Variants in MAML2 observed in about 807,000 individuals in gnomAD.
The protein encoded by MAML2 is mastermind-like protein 2.
A neutral mutation model predicts 96.1 loss-of-function variants in MAML2; 22 were observed. That is an observed-to-expected ratio of 0.23 (90% CI 0.16 to 0.33). The LOEUF (loss-of-function observed/expected upper bound fraction) is 0.33, where lower values mean the gene tolerates loss of function less well. Among genes scored for constraint, MAML2 ranks in the 10% least tolerant of loss-of-function variants. The pLI, the probability that MAML2 is intolerant of heterozygous loss-of-function variation, is 1.00. For synonymous variants in MAML2, 561 were observed against 521.3 expected (o/e 1.08, Z -1.04); for missense variants, 1,367 against 1,392.4 (o/e 0.98, Z 0.29).
chr11:96,048,760 C>T (rs1463888203), intron 2 of MAML2, among the ~76,000 whole-genome samples: 1 of 152,038 alleles, frequency 6.6e-6, no homozygotes, highest in Non-Finnish European at 1.5e-5. Context: ...TTTCCAAATG[C>T]CAACATGTCG....
chr11:96,087,152 T>C (rs1473459622), intron 2 of MAML2, among the ~76,000 whole-genome samples: 2 of 152,180 alleles, frequency 1.3e-5, no homozygotes, highest in African/African-American at 2.4e-5. Flanking sequence ...GAGTTATTCG[T>C]ATATGGCACA....
chr11:96,144,831 C>G (rs75684426), intron 1 of MAML2, among the ~76,000 whole-genome samples: 2 of 152,124 alleles, frequency 1.3e-5, no homozygotes, highest in Non-Finnish European at 2.9e-5. Flanking sequence ...TTGTTTCACT[C>G]TTATACAAAT....
At chr11:96,156,746 T>A (rs1411293994) in intron 1 of MAML2, among the ~76,000 whole-genome samples, 1 of 152,152 alleles carries the variant, frequency 6.6e-6, no homozygotes, top group Non-Finnish European at 1.5e-5. Context: ...GTACTAAGAT[T>A]AAATAACAAC....
At chr11:96,175,631 C>T (rs977071383) in intron 1 of MAML2, among the ~76,000 whole-genome samples, 2 of 152,114 alleles carry the variant, frequency 1.3e-5, no homozygotes, top group Non-Finnish European at 2.9e-5. Flanking sequence ...CCTGTCATCA[C>T]TCAGGATGGA....
chr11:96,224,552 T>C (rs1381143025), intron 1 of MAML2, among the ~76,000 whole-genome samples: 1 of 152,196 alleles, frequency 6.6e-6, no homozygotes, highest in Non-Finnish European at 1.5e-5. Context: ...TTAACTTTCT[T>C]CTCCTTGTGC....
At chr11:96,165,686 C>G (rs536022959) in intron 1 of MAML2, among the ~76,000 whole-genome samples, 23 of 152,206 alleles carry the variant, frequency 1.5e-4, no homozygotes, top group South Asian at 6.2e-4. Context: ...TGATACATAT[C>G]GACAAATTGT....
intron 1 of MAML2, among the ~76,000 whole-genome samples, chr11:96,204,651 TTTTG>T (rs1328110822): frequency 6.6e-5 from 10 of 152,142 alleles, no homozygotes; most frequent in Non-Finnish European, 1.5e-4. Context: ...CTCCAAGAGT[TTTTG>T]TTTTTGTTTT....
intron 1 of MAML2, among the ~76,000 whole-genome samples, chr11:96,336,739 A>G (rs1863925248): frequency 6.6e-6 from 1 of 152,212 alleles, no homozygotes; most frequent in Non-Finnish European, 1.5e-5. Context: ...ACAACAAAAA[A>G]ACAAAAACAG....
Position 96,342,359 on chromosome 11 carries a change from T to C in MAML2, c.-464A>G. The C allele has an allele frequency of 2.5e-6, 1 of 399,790 alleles. No homozygotes were observed. The highest frequency in any genetic ancestry group is 6.3e-4 in the Middle Eastern group (1 of 1,588). 24.8% of individuals were successfully genotyped at this position (399,790 alleles called of 1,614,324 possible). A position where few individuals can be genotyped will look rare whatever the true frequency, so the allele number is the denominator to read the frequency against. ...GAGGACTCCCCCTCACCTAGTTGTTTCCGACAATTCTTTATGGGGATGTTT... is the reference window on the plus strand; with the variant it reads ...GAGGACTCCCCCTCACCTAGTTGTTCCCGACAATTCTTTATGGGGATGTTT... On this transcript the variant is annotated 5_prime_UTR_variant, in exon 1 of 5. Transcript: ENST00000524717.
At chr11:96,215,694 T>C (rs754506981) in intron 1 of MAML2, among the ~76,000 whole-genome samples, 3 of 151,852 alleles carry the variant, frequency 2.0e-5, no homozygotes, top group African/African-American at 4.8e-5. Context: ...GTTCCTGCAC[T>C]TCCTCCTCCA....
At chr11:96,160,241 T>C (rs1004284188) in intron 1 of MAML2, among the ~76,000 whole-genome samples, 1 of 152,208 alleles carries the variant, frequency 6.6e-6, no homozygotes, top group African/African-American at 2.4e-5. Flanking sequence ...TGATCCTTTA[T>C]TCTTCAATGC....
At chr11:96,044,215 G>C (rs71475375) in intron 2 of MAML2, among the ~76,000 whole-genome samples, 1 of 152,226 alleles carries the variant, frequency 6.6e-6, no homozygotes, top group Non-Finnish European at 1.5e-5. Flanking sequence ...CTGGGCAAGA[G>C]GGAGGCGTGC....
At chr11:96,234,389 G>A (rs1307066719) in intron 1 of MAML2, among the ~76,000 whole-genome samples, 2 of 152,214 alleles carry the variant, frequency 1.3e-5, no homozygotes, top group South Asian at 2.1e-4. Context: ...GAGGAGGCAG[G>A]AGAATCACTT....
At chr11:96,298,391 T>C (rs1368165380) in intron 1 of MAML2, among the ~76,000 whole-genome samples, 1 of 152,120 alleles carries the variant, frequency 6.6e-6, no homozygotes, top group Middle Eastern at 3.2e-3. Flanking sequence ...CCTGGAGAAG[T>C]AGAAATGAGC....
chr11:96,338,634 C>T (rs1012860768), intron 1 of MAML2, among the ~76,000 whole-genome samples: 3 of 152,180 alleles, frequency 2.0e-5, no homozygotes, highest in Non-Finnish European at 4.4e-5. Context: ...GGATACAAAG[C>T]TTTCATCTGA....
intron 1 of MAML2, among the ~76,000 whole-genome samples, chr11:96,144,152 T>C (rs1239737330): frequency 6.6e-6 from 1 of 152,186 alleles, no homozygotes; most frequent in African/African-American, 2.4e-5. Context: ...TCGTCTCAAT[T>C]CTGCAGCCTA....
At chr11:96,002,839 T>G (rs1184270613) in intron 2 of MAML2, among the ~76,000 whole-genome samples, 4 of 116,644 alleles carry the variant, frequency 3.4e-5, no homozygotes, top group Non-Finnish European at 5.1e-5. Flanking sequence ...ATGATGGGGA[T>G]GATGAGGAGG....
At chr11:96,304,157 C>T (rs950641620) in intron 1 of MAML2, among the ~76,000 whole-genome samples, 6 of 152,178 alleles carry the variant, frequency 3.9e-5, no homozygotes, top group African/African-American at 1.4e-4. Flanking sequence ...CAGTTTCAAG[C>T]CTCTCTTATC....
chr11:96,123,136 G>GC (rs761906960), intron 1 of MAML2, among the ~76,000 whole-genome samples: 2 of 152,098 alleles, frequency 1.3e-5, no homozygotes, highest in Non-Finnish European at 2.9e-5. Flanking sequence ...CTGTCTTACT[G>GC]CCCCCACTGC....
Sources: allele counts gnomAD v4.1 joint callset (sites outside exome capture counted in the v4.1 genomes callset), GRCh38; gene constraint gnomAD v4.1.1; transcripts MANE v1.5; gene names NCBI Gene and HGNC (gene_info 2026-07-23, HGNC 2026-07-21).